The following HNRNPUL2 variants were observed in gnomAD, a reference collection of about 807,000 sequenced individuals.
The protein encoded by HNRNPUL2 is heterogeneous nuclear ribonucleoprotein U like 2, also known as heterogeneous nuclear ribonucleoprotein U-like protein 2.
HNRNPUL2 carries 27 observed loss-of-function variants against 102.2 expected under a neutral mutation model. That is an observed-to-expected ratio of 0.26 (90% CI 0.19 to 0.36). The LOEUF (loss-of-function observed/expected upper bound fraction) is 0.36, where lower values mean the gene tolerates loss of function less well. HNRNPUL2 is among the 10% of genes least tolerant of loss of function. HNRNPUL2 has a pLI of 1.00. For missense variants in HNRNPUL2, 936 were observed against 981.1 expected (o/e 0.95, Z 0.61); for synonymous variants, 458 against 387.2 (o/e 1.18, Z -2.15).
Position 62,715,936 on chromosome 11 carries a change from C to A in HNRNPUL2, c.1983G>T (p.Val661=). Residue 661 remains valine, a splice_region_variant and synonymous_variant, in exon 12 of 14, where the codon GTG becomes GTT. Transcript: ENST00000301785. ...RQNRSRGQGY[V]GGQRRGYDNR... ...TGTCGTAGCCTCGGCGCTGCCCGCC[C>A]ACTGGAAGAGAAATGGAGAGCGCGC... 6.3e-7 allele frequency: 1 copy of A among 1,599,032 alleles called. No homozygotes were observed. Among genetic ancestry groups the A allele is most frequent in the Non-Finnish European group, 8.5e-7 (1 of 1,171,630 alleles).
rs1304183258 is a variant in HNRNPUL2 at position 62,717,071 on chromosome 11, C to T, written c.1899G>A (p.Leu633=). ...GATTTGTCCGCTTCTCGGAGGGGGG[C>T]AGAAGCTTCCTTGCCTCCTCCTTGT... ...TKYKEEARKL[L]PPSEKRTNRR... is the part of the protein sequence containing the mutation. The change falls in exon 11 of 14, where the codon CTG becomes CTA. Residue 633 remains leucine (L), a synonymous_variant. Coordinates refer to ENST00000301785, the MANE Select transcript of HNRNPUL2 (RefSeq NM_001079559.3). The T allele has an allele frequency of 4.3e-6, 7 of 1,614,174 alleles. No homozygotes were observed. The South Asian group carries it at 6.6e-5, about 15-fold the overall frequency.
chr11:62,726,633 G>A lies in HNRNPUL2; in HGVS notation c.524C>T (p.Ala175Val). The A allele has an allele frequency of 6.3e-6, 10 of 1,590,342 alleles. No individual in the cohort carries two copies. The highest frequency in any genetic ancestry group is 1.7e-4 in the Middle Eastern group (1 of 6,024). ...TPGSEVPGDK[A>V]AEEQGDDQDS... ...CAGCTCCTCACCCTGTTCCTCGGCG[G>A]CCTTGTCACCCGGCACCTCGGATCC... Residue 175 changes from alanine (A) to valine (V), a missense_variant, in exon 1 of 14, where the codon GCC becomes GTC. This residue lies in a region of HNRNPUL2 where 327 missense variants were observed against 268.1 expected (regional missense o/e 1.22). Transcript: ENST00000301785.
At position 62,723,899 on chromosome 11, in the gene HNRNPUL2, C is replaced by A. The variant is rs762313050; in HGVS notation, c.751+15G>T. 1 of 1,611,770 alleles carries A rather than the reference C, an allele frequency of 6.2e-7. No homozygotes were observed. The highest frequency in any genetic ancestry group is 2.2e-5 in the East Asian group (1 of 44,886). ...AGATTAGTTAAAAACCACAGTCTGT[C>A]TGCCTTATACATACACGTGTCCAGG... On this transcript the variant is annotated intron_variant, in intron 3 of 13. Transcript: ENST00000301785.
rs371447865 is a variant in HNRNPUL2, at chr11:62,715,865, C to A, written c.2054G>T (p.Gly685Val). 6.2e-7 allele frequency: 1 copy of A among 1,613,450 alleles called. No homozygotes were observed. Among genetic ancestry groups the A allele is most frequent in the South Asian group, 1.1e-5 (1 of 91,062 alleles). ...GAGCAGAAGGAGAGCTGCACTCACC[C>A]CTCTGTTTCCAGGCTGCCCCCAGTA... is the stretch of plus-strand genomic sequence containing the variant. ...QQYWGQPGNR[G>V]GYRNFYDRYR... The change falls in exon 12 of 14, where the codon GGG (glycine) becomes GTG (valine). Residue 685 changes from glycine (G) to valine (V), a missense_variant and splice_region_variant. Transcript: ENST00000301785.
chr11:62,715,571 A>G lies in HNRNPUL2; in HGVS notation c.2092T>C (p.Tyr698His). 6.2e-7 allele frequency: 1 copy of G among 1,613,116 alleles called. No individual in the cohort carries two copies. The highest frequency in any genetic ancestry group is 8.5e-7 in the Non-Finnish European group (1 of 1,179,174). The stretch of plus-strand genomic sequence containing the variant: ...TAATCTCGCCCGTAAAATCGATCAT[A>G]GTCTCCCCTGTATCGATCATAGAAA... ...RNFYDRYRGDYDRFYGRDYEY... is the reference protein window; with the variant it reads ...RNFYDRYRGDHDRFYGRDYEY... Residue 698 changes from tyrosine (Y) to histidine (H), a missense_variant, in exon 13 of 14, where the codon TAT becomes CAT. By Grantham distance (83) the Tyr-to-His change is moderately conservative. Around this residue, in one of 2 missense-constraint regions of HNRNPUL2, gnomAD observed 609 missense variants for 713.0 expected, o/e 0.85. Coordinates refer to ENST00000301785, the MANE Select transcript of HNRNPUL2 (RefSeq NM_001079559.3).
At chr11:62,721,456 A>C (rs754590177) in intron 8 of HNRNPUL2, 33 bp from the exon 9 acceptor site, 17 of 1,550,562 alleles carry the variant, frequency 1.1e-5, no homozygotes, top group Non-Finnish European at 1.4e-5. Flanking sequence ...AAAAAAAAAA[A>C]CAAAACACAA....
chr11:62,723,849 T>G, intron 3 of HNRNPUL2, 65 bp downstream of exon 3: 1 of 1,600,202 alleles, frequency 6.2e-7, no homozygotes, highest in Non-Finnish European at 8.6e-7. Flanking sequence ...GCTATGAAGT[T>G]TTAATCTCCA....
chr11:62,724,404 C>T lies in HNRNPUL2; in HGVS notation c.561G>A (p.Lys187=), dbSNP rs752787351. 1 of 1,614,214 alleles carries T rather than the reference C, an allele frequency of 6.2e-7. No individual in the cohort carries two copies. The highest frequency in any genetic ancestry group is 1.1e-5 in the South Asian group (1 of 91,084). The change falls in exon 2 of 14, where the codon AAG becomes AAA. Residue 187 remains lysine, a synonymous_variant. Transcript: ENST00000301785. ...EEQGDDQDSE[K]SKPAGSDGER... is the part of the protein sequence containing the mutation. ...CACCATCTGAGCCTGCTGGTTTTGA[C>T]TTTTCACTATCCTGGTCATCTCCTA...
chr11:62,725,713 T>A (rs1228144617), intron 1 of HNRNPUL2, among the ~76,000 whole-genome samples: 1 of 152,142 alleles, frequency 6.6e-6, no homozygotes, highest in Non-Finnish European at 1.5e-5. Context: ...AGACTTATCC[T>A]CCCTACTCGG....
At position 62,726,260 on chromosome 11, in the gene HNRNPUL2, G is replaced by A. The variant is rs117037544; in HGVS notation, c.538+359C>T. ...CCAAAGACCTGACCCTCTAACTGTG[G>A]GCCTAGTTCTCCGTGTAATCCCCAA... On this transcript the variant is annotated intron_variant, in intron 1 of 13. Coordinates refer to ENST00000301785, the MANE Select transcript of HNRNPUL2 (RefSeq NM_001079559.3). 8.0e-3 allele frequency among the ~76,000 whole-genome samples: 1,219 copies of A among 152,204 alleles called. 15 individuals carry two copies. Among genetic ancestry groups the A allele is most frequent in the Non-Finnish European group, 0.013 (892 of 68,022 alleles).
intron 4 of HNRNPUL2, 75 bp downstream of exon 4, chr11:62,723,512 C>T (rs73483978): frequency 1.4e-6 from 2 of 1,412,286 alleles, no homozygotes; most frequent in Non-Finnish European, 1.9e-6. Context: ...AGATAATAAT[C>T]TTCTTTTCCC....
chr11:62,721,925 T>A lies in HNRNPUL2; in HGVS notation c.1377A>T (p.Gly459=). ...IEECEVILMV[G]LPGSGKTQWA... is the part of the protein sequence containing the mutation. ...ACTGGGTCTTTCCAGATCCGGGTAGTCCCACCATCAGAATCACCTGCAAAA... is the reference window on the plus strand; with the variant it reads ...ACTGGGTCTTTCCAGATCCGGGTAGACCCACCATCAGAATCACCTGCAAAA... The change falls in exon 8 of 14, where the codon GGA becomes GGT. Residue 459 remains glycine (G), a synonymous_variant. Coordinates refer to ENST00000301785, the MANE Select transcript of HNRNPUL2 (RefSeq NM_001079559.3). 1 of 1,614,042 alleles carries A rather than the reference T, an allele frequency of 6.2e-7. No individual in the cohort carries two copies. The highest frequency in any genetic ancestry group is 8.5e-7 in the Non-Finnish European group (1 of 1,179,988).
chr11:62,722,090 TCA>T, intron 7 of HNRNPUL2, 25 bp downstream of exon 7: 1 of 1,608,562 alleles, frequency 6.2e-7, no homozygotes. Context: ...GCATACAACC[TCA>T]GTGTTCGTAT....
intron 6 of HNRNPUL2, 100 bp downstream of exon 6, chr11:62,722,501 T>G (rs2083711249): frequency 7.1e-7 from 1 of 1,416,558 alleles, no homozygotes; most frequent in East Asian, 2.3e-5. Context: ...GCCACACACA[T>G]CACATGCATA....
rs1250707384 is a variant in HNRNPUL2 at position 62,715,246 on chromosome 11, T to A, written c.*53A>T. Reference sequence around the variant, plus strand: ...CTTGGTTGTGTTTTGCGGGGGTGCCTGGCACCCCCAGAGATTCAGCTTCAT... The same window carrying A: ...CTTGGTTGTGTTTTGCGGGGGTGCCAGGCACCCCCAGAGATTCAGCTTCAT... On this transcript the variant is annotated 3_prime_UTR_variant, in exon 14 of 14. Transcript: ENST00000301785. 8.4e-6 allele frequency: 11 copies of A among 1,313,964 alleles called. No individual in the cohort carries two copies. The highest frequency in any genetic ancestry group is 2.1e-6 in the Non-Finnish European group (2 of 961,934). The allele number at this position is 1,313,964 out of a possible 1,614,324, so 81.4% of individuals were successfully genotyped here.
chr11:62,721,143 C>CT lies in HNRNPUL2; in HGVS notation c.1611+151dup. On this transcript the variant is annotated intron_variant, in intron 9 of 13. Coordinates refer to ENST00000301785, the MANE Select transcript of HNRNPUL2 (RefSeq NM_001079559.3). ...GTCCATATATTTTCAAGTAAAAACA[C>CT]TAATTAGGGGTACCTCTGAGTTCAA... The CT allele has an allele frequency of 1.2e-5, 8 of 659,816 alleles. No individual in the cohort carries two copies. In the South Asian group the frequency reaches 1.6e-4, roughly 13 times the overall value. The allele number at this position is 659,816 out of a possible 1,614,324, so 40.9% of individuals were successfully genotyped here. A position where few individuals can be genotyped will look rare whatever the true frequency, so the allele number is the denominator to read the frequency against.
chr11:62,719,888 G>A (rs2083687276), intron 10 of HNRNPUL2, 135 bp downstream of exon 10: 2 of 774,574 alleles, frequency 2.6e-6, no homozygotes, highest in African/African-American at 1.7e-5. Flanking sequence ...CAGCAAGAAG[G>A]ACCTCACCAG....
In HNRNPUL2 at chr11:62,727,103, C is replaced by G. The variant is rs970923732; in HGVS notation, c.54G>C (p.Arg18=). 9 of 1,448,942 alleles carry G rather than the reference C, an allele frequency of 6.2e-6. No individual in the cohort carries two copies. The African/African-American group carries it at 1.3e-4, about 21-fold the overall frequency. The allele number at this position is 1,448,942 out of a possible 1,614,324, so 89.8% of individuals were successfully genotyped here. ...CCTTGAGGCCGCGCGAGTCCAGGCC[C>G]CGCCGCTGCAGCTCCGACCGCAGCT... is the stretch of plus-strand genomic sequence containing the variant. ...VTELRSELQR[R]GLDSRGLKVD... is the part of the protein sequence containing the mutation. The change falls in exon 1 of 14, where the codon CGG becomes CGC. Residue 18 remains arginine, a synonymous_variant. Coordinates refer to ENST00000301785, the MANE Select transcript of HNRNPUL2 (RefSeq NM_001079559.3).
rs1182520400 is a variant in HNRNPUL2 at position 62,714,707 on chromosome 11, ATATC to A, written c.*588_*591del. The A allele has an allele frequency of 1.3e-5, 2 of 152,638 alleles. No homozygotes were observed. The highest frequency in any genetic ancestry group is 4.8e-5 in the African/African-American group (2 of 41,444). The allele number at this position is 152,638 out of a possible 1,614,324, so 9.5% of individuals were successfully genotyped here. ...TAAGCCTCCCAGCCCACCAGACCAC[ATATC>A]CCAAAAGGGAAAGGTCGGTAAAGAA... On this transcript the variant is annotated 3_prime_UTR_variant, in exon 14 of 14. Transcript: ENST00000301785.
Sources: allele counts gnomAD v4.1 joint callset (sites outside exome capture counted in the v4.1 genomes callset), GRCh38; gene constraint gnomAD v4.1.1; regional missense constraint gnomAD v4.1.1; transcripts MANE v1.5; gene names NCBI Gene and HGNC (gene_info 2026-07-23, HGNC 2026-07-21).